NOX4: variants seen among roughly 807,000 people sequenced by gnomAD.
NOX4 encodes kidney oxidase-1.
Under a neutral mutation model 87.6 loss-of-function variants are expected in NOX4, and 69 were observed. The observed-to-expected ratio is 0.79, with a 90% CI of 0.65 to 0.96. The LOEUF is 0.96. NOX4 is among the 40% of genes least tolerant of loss of function. The pLI, the probability that NOX4 is intolerant of heterozygous loss-of-function variation, is 0.00. For synonymous variants in NOX4, 275 were observed against 238.2 expected, an observed-to-expected ratio of 1.15 and a Z score of -1.42; for missense variants, 680 against 681.5, an observed-to-expected ratio of 1.00 and a Z score of 0.02.
chr11:89,517,280 A>G, the NOX4 span, among the ~76,000 whole-genome samples: 1 of 152,062 alleles, frequency 6.6e-6, no homozygotes, highest in Non-Finnish European at 1.5e-5. Flanking sequence ...ATGTCCTGCT[A>G]TATTTCTTAA....
chr11:89,555,731 C>A, the NOX4 span, among the ~76,000 whole-genome samples: 6 of 151,942 alleles, frequency 3.9e-5, no homozygotes, highest in Non-Finnish European at 8.8e-5. Flanking sequence ...TAGTAATCTC[C>A]AAATGCAACA....
intron 14 of NOX4, among the ~76,000 whole-genome samples, chr11:89,341,628 T>C (rs1288163774): frequency 1.3e-5 from 2 of 152,208 alleles, no homozygotes; most frequent in African/African-American, 4.8e-5. Flanking sequence ...CATTTCTCAT[T>C]GCTTTCTTTT....
chr11:89,338,749 TC>T (rs1375686127), intron 15 of NOX4, among the ~76,000 whole-genome samples: 1 of 152,136 alleles, frequency 6.6e-6, no homozygotes, highest in Non-Finnish European at 1.5e-5. Flanking sequence ...TGATTTTTTT[TC>T]TCCAAAATAT....
chr11:89,355,944 C>T (rs548158354), intron 12 of NOX4, among the ~76,000 whole-genome samples: 2 of 151,908 alleles, frequency 1.3e-5, no homozygotes, highest in East Asian at 1.9e-4. Context: ...TGTGCTTATT[C>T]GCAAACAAAA....
chr11:89,402,529 A>G lies in NOX4; in HGVS notation c.643T>C (p.Tyr215His), dbSNP rs1343197008. ...TLHVSGGLLK[Y>H]QTNLDTHPPG... ...GGGTGGGTATCTAAATTAGTTTGAT[A>G]CTTCAGCAGCCCTCTAAAATTACAT... Residue 215 changes from tyrosine (Y) to histidine (H), a missense_variant, in exon 9 of 18, where the codon TAT (tyrosine) becomes CAT (histidine). Transcript: ENST00000263317. 1 of 1,610,538 alleles carries G rather than the reference A, an allele frequency of 6.2e-7. No individual in the cohort carries two copies. Among genetic ancestry groups the G allele is most frequent in the African/African-American group, 1.3e-5 (1 of 74,744 alleles).
intron 7 of NOX4, 43 bp from the exon 8 acceptor site, chr11:89,422,025 CA>C: frequency 3.8e-6 from 4 of 1,041,364 alleles, no homozygotes; most frequent in Non-Finnish European, 5.7e-6. Context: ...CTTTACATTC[CA>C]TCTTACTAAA....
chr11:89,368,464 G>T (rs1939183363), intron 12 of NOX4, among the ~76,000 whole-genome samples: 1 of 152,066 alleles, frequency 6.6e-6, no homozygotes, highest in South Asian at 2.1e-4. Context: ...GCCTGGTAAA[G>T]TCTGCTCTCC....
the NOX4 span, among the ~76,000 whole-genome samples, chr11:89,531,605 C>T: frequency 1.3e-5 from 2 of 152,174 alleles, no homozygotes; most frequent in African/African-American, 4.8e-5. Flanking sequence ...TTTCCCCATG[C>T]TGTTCTCATG....
chr11:89,349,488 T>C (rs1226081340), intron 13 of NOX4, among the ~76,000 whole-genome samples: 1 of 152,092 alleles, frequency 6.6e-6, no homozygotes, highest in Non-Finnish European at 1.5e-5. Flanking sequence ...TCTGAGGCTT[T>C]GCAGTTTAAG....
chr11:89,370,857 T>A (rs1939383580), intron 12 of NOX4, among the ~76,000 whole-genome samples: 1 of 152,070 alleles, frequency 6.6e-6, no homozygotes, highest in Non-Finnish European at 1.5e-5. Flanking sequence ...CCTCCAGCAC[T>A]CTATAGCTAG....
At chr11:89,406,658 C>T (rs1482887618) in intron 8 of NOX4, among the ~76,000 whole-genome samples, 1 of 152,050 alleles carries the variant, frequency 6.6e-6, no homozygotes, top group African/African-American at 2.4e-5. Flanking sequence ...TGATGACCAA[C>T]ATAGTAACTA....
chr11:89,582,950 T>C, the NOX4 span, among the ~76,000 whole-genome samples: 1 of 152,210 alleles, frequency 6.6e-6, no homozygotes, highest in African/African-American at 2.4e-5. Context: ...GAAGATTTTG[T>C]TCTAGGTCTG....
intron 5 of NOX4, among the ~76,000 whole-genome samples, chr11:89,442,665 G>A (rs995923133): frequency 6.6e-6 from 1 of 152,008 alleles, no homozygotes; most frequent in Non-Finnish European, 1.5e-5. Flanking sequence ...GGCTTGTTTT[G>A]GAGGAGAAGC....
At chr11:89,530,426 T>G in the NOX4 span, among the ~76,000 whole-genome samples, 1 of 147,904 alleles carries the variant, frequency 6.8e-6, no homozygotes, top group Admixed American at 6.9e-5. Context: ...CACTGCAACC[T>G]CCACCTCCTG....
intron 2 of NOX4, among the ~76,000 whole-genome samples, chr11:89,466,728 C>G (rs1468394518): frequency 1.3e-5 from 2 of 152,006 alleles, no homozygotes; most frequent in African/African-American, 4.8e-5. Context: ...CAATTTGTAA[C>G]AGTGATAAAT....
intron 2 of NOX4, among the ~76,000 whole-genome samples, chr11:89,452,881 T>C (rs2135392148): frequency 6.6e-6 from 1 of 151,886 alleles, no homozygotes; most frequent in South Asian, 2.1e-4. Context: ...GGTGAGAATA[T>C]TTAAAATCCA....
At chr11:89,420,785 G>C (rs1171667921) in intron 8 of NOX4, among the ~76,000 whole-genome samples, 1 of 152,064 alleles carries the variant, frequency 6.6e-6, no homozygotes, top group Non-Finnish European at 1.5e-5. Context: ...AGAAAAATAG[G>C]GATTGTCAGC....
At chr11:89,547,270 A>C in the NOX4 span, among the ~76,000 whole-genome samples, 3 of 152,308 alleles carry the variant, frequency 2.0e-5, no homozygotes, top group South Asian at 6.2e-4. Flanking sequence ...TAGTTAATTG[A>C]ATCAGTTACT....
chr11:89,440,592 T>G (rs566806272), intron 6 of NOX4, 96 bp downstream of exon 6: 1 of 740,158 alleles, frequency 1.4e-6, no homozygotes, highest in South Asian at 2.4e-5. Flanking sequence ...CCCAAAGTGC[T>G]GGGAATACAG....
Sources: allele counts gnomAD v4.1 joint callset (sites outside exome capture counted in the v4.1 genomes callset), GRCh38; gene constraint gnomAD v4.1.1; transcripts MANE v1.5; gene names NCBI Gene and HGNC (gene_info 2026-07-23, HGNC 2026-07-21).